Variants in LPAR5 observed in about 807,000 individuals in gnomAD.
LPAR5 encodes lysophosphatidic acid receptor 5.
For synonymous variants in LPAR5, 271 were observed against 261.6 expected (o/e 1.04, Z -0.35); for missense variants, 544 against 521.8 (o/e 1.04, Z -0.41).
intron 1 of LPAR5, among the ~76,000 whole-genome samples, chr12:6,628,077 A>AGT (rs1948954906): frequency 7.4e-6 from 1 of 134,758 alleles, no homozygotes; most frequent in Non-Finnish European, 1.5e-5. Context: ...GCTGGAGTGC[A>AGT]GTGGCTCAAT....
chr12:6,629,095 A>G (rs969124759), intron 1 of LPAR5, among the ~76,000 whole-genome samples: 63 of 142,086 alleles, frequency 4.4e-4, no homozygotes, highest in Non-Finnish European at 9.2e-5. Context: ...GTTACAATGT[A>G]CCGGGCACGG....
intron 1 of LPAR5, among the ~76,000 whole-genome samples, chr12:6,627,316 G>A (rs2136243206): frequency 6.6e-6 from 1 of 152,098 alleles, no homozygotes; most frequent in African/African-American, 2.4e-5. Flanking sequence ...AATAGACCGG[G>A]AATGGTGGCT....
Position 6,620,553 on chromosome 12 carries a change from G to T in LPAR5, c.696C>A (p.Thr232=), listed in dbSNP as rs779377138. The T allele has an allele frequency of 5.5e-5, 86 of 1,559,778 alleles. No individual in the cohort carries two copies. Among genetic ancestry groups the T allele is most frequent in the Non-Finnish European group, 7.3e-5 (84 of 1,152,444 alleles). ...DATQSQRRRK[T]VRLLLANLVI... Reference sequence around the variant, plus strand: ...CGAGGTTAGCCAGCAGGAGGCGCACGGTCTTCCGCCGCCGCTGGCTCTGCG... The same window carrying T: ...CGAGGTTAGCCAGCAGGAGGCGCACTGTCTTCCGCCGCCGCTGGCTCTGCG... The change falls in exon 2 of 2, where the codon ACC becomes ACA. Residue 232 remains threonine (T), a synonymous_variant. Transcript: ENST00000329858. The surrounding 1 kb of genome is among the most constrained non-coding windows in gnomAD (Gnocchi z 6.8).
At chr12:6,627,929 T>C (rs1948952782) in intron 1 of LPAR5, among the ~76,000 whole-genome samples, 1 of 150,474 alleles carries the variant, frequency 6.6e-6, no homozygotes, top group South Asian at 2.1e-4. Flanking sequence ...ACCACTTCCC[T>C]TAAAAGACCT....
rs1028242745 is a variant in LPAR5, at chr12:6,623,776, A to T, written c.-216-2312T>A. On this transcript the variant is annotated intron_variant, in intron 1 of 1. Coordinates refer to ENST00000329858, the MANE Select transcript of LPAR5 (RefSeq NM_020400.6). Reference sequence around the variant, plus strand: ...TAAGCACAAATCAATAGGTGGTCTTATGGAGCACCTCCTTGGACCAGGTGC... The same window carrying T: ...TAAGCACAAATCAATAGGTGGTCTTTTGGAGCACCTCCTTGGACCAGGTGC... 2.6e-5 allele frequency among the ~76,000 whole-genome samples: 4 copies of T among 152,294 alleles called. No individual in the cohort carries two copies. In the East Asian group the frequency reaches 7.7e-4, roughly 29 times the overall value.
At chr12:6,630,909 C>G (rs993862417) in intron 1 of LPAR5, among the ~76,000 whole-genome samples, 3 of 152,210 alleles carry the variant, frequency 2.0e-5, no homozygotes, top group African/African-American at 7.2e-5. Context: ...CCTTCAGGAG[C>G]TGAATGGGCA....
chr12:6,620,636 C>G lies in LPAR5; in HGVS notation c.613G>C (p.Ala205Pro), dbSNP rs1387385808. ...AEALGFLLPLAAVVYSSGRVF... is the reference protein window; with the variant it reads ...AEALGFLLPLPAVVYSSGRVF... ...CGGCCCGACGAGTAGACCACCGCCG[C>G]CAGGGGCAGCAGGAAGCCCAGCGCC... The change falls in exon 2 of 2, where the codon GCG becomes CCG. Residue 205 changes from alanine (A) to proline (P), a missense_variant. Transcript: ENST00000329858. This position sits in a 1 kb window ranked among gnomAD's most constrained non-coding sequence, Gnocchi z 6.8. 1 of 1,553,664 alleles carries G rather than the reference C, an allele frequency of 6.4e-7. No individual in the cohort carries two copies. The highest frequency in any genetic ancestry group is 8.7e-7 in the Non-Finnish European group (1 of 1,149,330).
chr12:6,630,817 C>T (rs60427776), intron 1 of LPAR5, among the ~76,000 whole-genome samples: 8,063 of 152,250 alleles, frequency 0.053, 437 homozygotes, highest in East Asian at 0.25. Flanking sequence ...TCACACAGAA[C>T]GGCCCAAGCT....
chr12:6,620,758 C>T lies in LPAR5; in HGVS notation c.491G>A (p.Arg164His). 6.3e-7 allele frequency: 1 copy of T among 1,592,212 alleles called. No homozygotes were observed. The highest frequency in any genetic ancestry group is 8.5e-7 in the Non-Finnish European group (1 of 1,169,866). The change falls in exon 2 of 2, where the codon CGT becomes CAT. Residue 164 changes from arginine (R) to histidine (H), a missense_variant. Coordinates refer to ENST00000329858, the MANE Select transcript of LPAR5 (RefSeq NM_020400.6). This position sits in a 1 kb window ranked among gnomAD's most constrained non-coding sequence, Gnocchi z 6.8. ...CACCTCGAGGTCCCGGTAGCGGCAA[C>T]GCGAGGGCCTGTGCACGCGGGCGGC... is the stretch of plus-strand genomic sequence containing the variant. The part of the protein sequence containing the change: ...VPAARVHRPS[R>H]CRYRDLEVRL...
intron 1 of LPAR5, among the ~76,000 whole-genome samples, chr12:6,634,510 A>G (rs1426065051): frequency 6.6e-6 from 1 of 152,068 alleles, no homozygotes; most frequent in Non-Finnish European, 1.5e-5. Flanking sequence ...GCTCAAGCCT[A>G]TATTTCCAGC....
intron 1 of LPAR5, among the ~76,000 whole-genome samples, chr12:6,628,267 C>T (rs141400349): frequency 0.017 from 2,619 of 152,128 alleles, 93 homozygotes; most frequent in African/African-American, 0.06. Context: ...GTGATCTGCC[C>T]GCCTTGGCCT....
intron 1 of LPAR5, among the ~76,000 whole-genome samples, chr12:6,626,252 G>A (rs983236042): frequency 1.3e-5 from 2 of 152,118 alleles, no homozygotes; most frequent in African/African-American, 2.4e-5. Context: ...TCCAGCCTGG[G>A]CAACAGAGCA....
chr12:6,634,389 T>G (rs1295502432), intron 1 of LPAR5, among the ~76,000 whole-genome samples: 2 of 151,222 alleles, frequency 1.3e-5, no homozygotes, highest in Admixed American at 6.6e-5. Context: ...CAGAGGCGAA[T>G]GGATCACTTT....
At chr12:6,631,596 C>G (rs1253669403) in intron 1 of LPAR5, 1 of 152,350 alleles carries the variant, frequency 6.6e-6, no homozygotes, top group Non-Finnish European at 1.5e-5. Context: ...TCCTCAGGGC[C>G]TCTGGGATCT....
chr12:6,627,668 C>T (rs1948951061), intron 1 of LPAR5, among the ~76,000 whole-genome samples: 1 of 152,158 alleles, frequency 6.6e-6, no homozygotes, highest in South Asian at 2.1e-4. Context: ...TTGAGCCCCT[C>T]AATCGTTTTA....
intron 1 of LPAR5, among the ~76,000 whole-genome samples, chr12:6,628,543 C>T (rs1948960067): frequency 6.6e-6 from 1 of 152,062 alleles, no homozygotes; most frequent in South Asian, 2.1e-4. Context: ...TCACTGCAAC[C>T]TCCGCCTCCC....
intron 1 of LPAR5, among the ~76,000 whole-genome samples, chr12:6,630,792 G>A (rs1411838530): frequency 6.6e-6 from 1 of 152,086 alleles, no homozygotes; most frequent in Non-Finnish European, 1.5e-5. Context: ...TCAAAAAGCC[G>A]CCTCTTTCTG....
Position 6,619,887 on chromosome 12 carries a change from G to T in LPAR5, c.*243C>A. On this transcript the variant is annotated 3_prime_UTR_variant, in exon 2 of 2. Transcript: ENST00000329858. ...TGCCCTCTGCACGGGTGGGCTCTCTGCATCACTTCCCACCGCTGGAGAAGG... is the reference window on the plus strand; with the variant it reads ...TGCCCTCTGCACGGGTGGGCTCTCTTCATCACTTCCCACCGCTGGAGAAGG... 1 of 696,030 alleles carries T rather than the reference G, an allele frequency of 1.4e-6. No homozygotes were observed. The highest frequency in any genetic ancestry group is 2.6e-6 in the Non-Finnish European group (1 of 383,910). 43.1% of individuals were successfully genotyped at this position (696,030 alleles called of 1,614,324 possible).
intron 1 of LPAR5, among the ~76,000 whole-genome samples, chr12:6,626,306 G>A (rs1046065723): frequency 6.6e-6 from 1 of 152,026 alleles, no homozygotes; most frequent in Admixed American, 6.6e-5. Flanking sequence ...ATAGAAACGG[G>A]GTCTGACTGT....
Sources: allele counts gnomAD v4.1 joint callset (sites outside exome capture counted in the v4.1 genomes callset), GRCh38; gene constraint gnomAD v4.1.1; non-coding constraint Gnocchi (gnomAD v3.1); transcripts MANE v1.5; gene names NCBI Gene and HGNC (gene_info 2026-07-23, HGNC 2026-07-21).